GNG2: variants seen among roughly 807,000 people sequenced by gnomAD.
GNG2 encodes the protein G protein subunit gamma 2.
Under a neutral mutation model 5.5 loss-of-function variants are expected in GNG2, and 5 were observed. The ratio of observed to expected loss-of-function variants is 0.91; its 90% confidence interval spans 0.48 to 1.92. The LOEUF (loss-of-function observed/expected upper bound fraction) is 1.92. Ranked by LOEUF, GNG2 falls within the 30% of genes most tolerant of loss-of-function variation. The probability of loss-of-function intolerance (pLI) is 0.01; values close to 1 mark genes in which losing one functional copy is unlikely to be tolerated. For missense variants in GNG2, 55 were observed against 88.4 expected (o/e 0.62, Z 1.52); for synonymous variants, 28 against 32.0 (o/e 0.88, Z 0.42).
At chr14:51,828,068 G>C (rs1334401801) in intron 2 of GNG2, among the ~76,000 whole-genome samples, 1 of 152,234 alleles carries the variant, frequency 6.6e-6, no homozygotes, top group Admixed American at 6.5e-5. Flanking sequence ...GGCCTCGGTA[G>C]AACTGACTAG....
rs1890111159 is a variant in GNG2 at position 51,969,667 on chromosome 14, A to T, written c.*2980A>T. The T allele has an allele frequency of 6.6e-6, 1 of 152,200 alleles. No homozygotes were observed. Among genetic ancestry groups the T allele is most frequent in the Non-Finnish European group, 1.5e-5 (1 of 68,034 alleles). 9.4% of individuals were successfully genotyped at this position (152,200 alleles called of 1,614,324 possible). ...GTTGTTCACATTTTTCCTATATAAG[A>T]TCTGTGGAGTGTGTGTTTCAAAGAG... is the stretch of plus-strand genomic sequence containing the variant. On this transcript the variant is annotated 3_prime_UTR_variant, in exon 4 of 4. Transcript: ENST00000556766.
intron 2 of GNG2, among the ~76,000 whole-genome samples, chr14:51,914,752 T>C (rs1029392090): frequency 3.9e-5 from 6 of 152,216 alleles, no homozygotes; most frequent in African/African-American, 7.2e-5. Flanking sequence ...TCAGATTTCA[T>C]TTGAAGAGTT....
chr14:51,923,776 T>C (rs1887159904), intron 2 of GNG2, among the ~76,000 whole-genome samples: 2 of 152,338 alleles, frequency 1.3e-5, no homozygotes, highest in Admixed American at 1.3e-4. Context: ...AAAATGTATA[T>C]GAATTTAAGA....
intron 2 of GNG2, among the ~76,000 whole-genome samples, chr14:51,938,854 G>T (rs1261890638): frequency 1.3e-5 from 2 of 152,212 alleles, no homozygotes; most frequent in Non-Finnish European, 2.9e-5. Context: ...CTGAACTACA[G>T]GGGTTGCCTG....
At chr14:51,951,897 G>C (rs973924391) in intron 3 of GNG2, 21 of 702,026 alleles carry the variant, frequency 3.0e-5, no homozygotes, top group African/African-American at 3.0e-4. Flanking sequence ...GAAGTTCACT[G>C]ACCCCTGGTC....
chr14:51,953,907 A>C (rs1889126876), intron 3 of GNG2, among the ~76,000 whole-genome samples: 1 of 152,204 alleles, frequency 6.6e-6, no homozygotes, highest in Non-Finnish European at 1.5e-5. Context: ...TCTTCAAGCT[A>C]TAAAGGATAG....
intron 2 of GNG2, among the ~76,000 whole-genome samples, chr14:51,937,299 T>A (rs1888062712): frequency 6.6e-6 from 1 of 152,108 alleles, no homozygotes; most frequent in African/African-American, 2.4e-5. Context: ...TGAGGAAAAA[T>A]TAAAATAACT....
chr14:51,880,597 C>T (rs536308847), intron 2 of GNG2, among the ~76,000 whole-genome samples: 3 of 152,140 alleles, frequency 2.0e-5, no homozygotes, highest in Admixed American at 2.0e-4. Flanking sequence ...GTAGCAAGTC[C>T]TCTTAAAATC....
Position 51,950,747 on chromosome 14 carries a change from C to T in GNG2, c.69C>T (p.Ala23=). The T allele has an allele frequency of 6.2e-7, 1 of 1,607,586 alleles. No homozygotes were observed. The highest frequency in any genetic ancestry group is 1.1e-5 in the South Asian group (1 of 90,144). Residue 23 remains alanine, a synonymous_variant, in exon 3 of 4, where the codon GCC becomes GCT. Transcript: ENST00000556766. ...RKLVEQLKME[A]NIDRIKVSKA... Reference sequence around the variant, plus strand: ...TGGTAGAGCAGCTTAAGATGGAAGCCAATATCGACAGGATAAAGGTGAGGA... The same window carrying T: ...TGGTAGAGCAGCTTAAGATGGAAGCTAATATCGACAGGATAAAGGTGAGGA...
chr14:51,831,003 C>T (rs4898716), intron 2 of GNG2, among the ~76,000 whole-genome samples: 9,167 of 152,246 alleles, frequency 0.06, 788 homozygotes, highest in East Asian at 0.44. Flanking sequence ...TTGCTCATGC[C>T]ACATGATGGC....
At chr14:51,845,585 C>T (rs957391858) in intron 2 of GNG2, among the ~76,000 whole-genome samples, 3 of 152,176 alleles carry the variant, frequency 2.0e-5, no homozygotes, top group Non-Finnish European at 1.5e-5. Flanking sequence ...TGAAGAACTA[C>T]GAGAGATTCT....
At chr14:51,946,438 T>C (rs1190480307) in intron 2 of GNG2, among the ~76,000 whole-genome samples, 3 of 152,170 alleles carry the variant, frequency 2.0e-5, no homozygotes, top group Non-Finnish European at 4.4e-5. Flanking sequence ...ACATTCTACA[T>C]TGCGGTCAGT....
At chr14:51,882,453 A>C (rs1884146815) in intron 2 of GNG2, among the ~76,000 whole-genome samples, 1 of 152,186 alleles carries the variant, frequency 6.6e-6, no homozygotes, top group African/African-American at 2.4e-5. Flanking sequence ...CTGGGAACAG[A>C]TATTTGGATG....
chr14:51,871,538 C>T (rs913227143), intron 1 of GNG2, among the ~76,000 whole-genome samples: 14 of 152,124 alleles, frequency 9.2e-5, no homozygotes, highest in African/African-American at 3.4e-4. Flanking sequence ...AAGATAATAT[C>T]TACTTCACAA....
At position 51,896,299 on chromosome 14, in the gene GNG2, T is replaced by A. The variant is rs191142032; in HGVS notation, c.-30+18642T>A. On this transcript the variant is annotated intron_variant, in intron 2 of 3. Coordinates refer to ENST00000556766, the MANE Select transcript of GNG2 (RefSeq NM_053064.5). ...AACATCTATAATTATCAAGTTTTTT[T>A]ATAACACATTATTTCATTCAGTCTT... 6.3e-4 allele frequency among the ~76,000 whole-genome samples: 96 copies of A among 152,378 alleles called. No homozygotes were observed. The South Asian group carries it at 7.9e-3, about 12-fold the overall frequency.
intron 2 of GNG2, among the ~76,000 whole-genome samples, chr14:51,930,833 G>A (rs1381085299): frequency 2.0e-5 from 3 of 152,208 alleles, no homozygotes; most frequent in Non-Finnish European, 2.9e-5. Flanking sequence ...CCATCAGAGA[G>A]AGAGAGAGAA....
At chr14:51,944,019 A>G (rs2140271624) in intron 2 of GNG2, among the ~76,000 whole-genome samples, 1 of 152,370 alleles carries the variant, frequency 6.6e-6, no homozygotes, top group East Asian at 1.9e-4. Context: ...AAGACTCAAC[A>G]CTTTCTGATT....
intron 2 of GNG2, among the ~76,000 whole-genome samples, chr14:51,948,484 G>A (rs1248753819): frequency 6.6e-6 from 1 of 152,180 alleles, no homozygotes; most frequent in Non-Finnish European, 1.5e-5. Flanking sequence ...GCATCCAGGG[G>A]CTTGTAGATT....
chr14:51,850,222 C>A (rs1442865306), intron 2 of GNG2, among the ~76,000 whole-genome samples: 22 of 151,978 alleles, frequency 1.4e-4, no homozygotes, highest in Admixed American at 1.4e-3. Context: ...GCACTCCCAC[C>A]CTTAATTTTA....
Sources: gnomAD v4.1 joint callset for allele counts (sites outside exome capture counted in the v4.1 genomes callset) on GRCh38, gnomAD v4.1.1 for gene constraint, MANE v1.5 for transcripts, NCBI Gene and HGNC (gene_info 2026-07-23, HGNC 2026-07-21) for gene names.